ZC3H7A: variants seen among roughly 807,000 people sequenced by gnomAD.
ZC3H7A encodes the protein zinc finger CCCH-type containing 7A.
A neutral mutation model predicts 125.5 loss-of-function variants in ZC3H7A; 44 were observed. That is an observed-to-expected ratio of 0.35 (90% CI 0.28 to 0.45). ZC3H7A has a LOEUF of 0.45. ZC3H7A is among the 20% of genes least tolerant of loss of function. The pLI, the probability that ZC3H7A is intolerant of heterozygous loss-of-function variation, is 1.00. For synonymous variants in ZC3H7A, 399 were observed against 391.2 expected (o/e 1.02, Z -0.23); for missense variants, 977 against 1,170.7 (o/e 0.83, Z 2.41).
intron 9 of ZC3H7A, 60 bp downstream of exon 9, chr16:11,774,176 T>A: frequency 7.0e-7 from 1 of 1,429,238 alleles, no homozygotes; most frequent in East Asian, 2.4e-5. Context: ...CAAGTTATAT[T>A]ACAATTTTTA....
intron 21 of ZC3H7A, among the ~76,000 whole-genome samples, chr16:11,754,893 CAA>C (rs35345665): frequency 8.3e-4 from 57 of 68,876 alleles, no homozygotes; most frequent in South Asian, 2.5e-3. Context: ...CTCCGTCTCA[CAA>C]AAAAAAAAAA....
At chr16:11,789,147 T>C (rs190415311) in intron 1 of ZC3H7A, among the ~76,000 whole-genome samples, 5 of 152,312 alleles carry the variant, frequency 3.3e-5, no homozygotes, top group East Asian at 3.9e-4. Flanking sequence ...TATGTCACCA[T>C]TGAAGGAAGA....
intron 19 of ZC3H7A, among the ~76,000 whole-genome samples, chr16:11,760,175 T>C (rs1284392108): frequency 7.0e-6 from 1 of 143,188 alleles, no homozygotes; most frequent in Non-Finnish European, 1.5e-5. Context: ...ATACCTAGTA[T>C]GGCAGGGGAA....
Position 11,781,410 on chromosome 16 carries a change from T to A in ZC3H7A, c.108+15A>T. ...ACTTGCAGAGCTTTCAAGCAGACCT[T>A]CCCGGAGTCATTACCGCATATTGCT... On this transcript the variant is annotated intron_variant, in intron 3 of 22. Transcript: ENST00000355758. 6.2e-7 allele frequency: 1 copy of A among 1,600,454 alleles called. No individual in the cohort carries two copies. Among genetic ancestry groups the A allele is most frequent in the Non-Finnish European group, 8.5e-7 (1 of 1,170,614 alleles).
At chr16:11,763,171 G>T in intron 16 of ZC3H7A, 1 of 245,328 alleles carries the variant, frequency 4.1e-6, no homozygotes, top group Non-Finnish European at 7.8e-6. Flanking sequence ...GTAGTGTTGT[G>T]ATCCTGGCCC....
intron 19 of ZC3H7A, among the ~76,000 whole-genome samples, chr16:11,760,461 T>C (rs2052735029): frequency 6.6e-6 from 1 of 152,180 alleles, no homozygotes; most frequent in East Asian, 1.9e-4. Flanking sequence ...ACCAACGCCT[T>C]GAAAAGGCTG....
chr16:11,793,767 G>C (rs1469322620), intron 1 of ZC3H7A, among the ~76,000 whole-genome samples: 1 of 152,192 alleles, frequency 6.6e-6, no homozygotes, highest in African/African-American at 2.4e-5. Flanking sequence ...CAGATGATAA[G>C]ACATTAAAGT....
chr16:11,785,731 T>G (rs1339855294), intron 1 of ZC3H7A, among the ~76,000 whole-genome samples: 2 of 152,164 alleles, frequency 1.3e-5, no homozygotes, highest in Non-Finnish European at 2.9e-5. Context: ...ACCATTCTCC[T>G]GCCTCAGCCT....
At chr16:11,791,155 A>G (rs1233541560) in intron 1 of ZC3H7A, among the ~76,000 whole-genome samples, 1 of 150,800 alleles carries the variant, frequency 6.6e-6, no homozygotes, top group Non-Finnish European at 1.5e-5. Context: ...ACTCTGCTTA[A>G]GACCCTTCAG....
chr16:11,786,030 G>A (rs1216798188), intron 1 of ZC3H7A, among the ~76,000 whole-genome samples: 1 of 152,226 alleles, frequency 6.6e-6, no homozygotes, highest in African/African-American at 2.4e-5. Context: ...GTAGAAGACT[G>A]AGGCTGGAAA....
rs546408250 is a variant in ZC3H7A at position 11,755,931 on chromosome 16, G to A, written c.2562+306C>T. On this transcript the variant is annotated intron_variant, in intron 21 of 22. Transcript: ENST00000355758. ...TGTAATCCCAGCACTTTGGGAGGCC[G>A]AGGCAGGCAAATCACGAGGTCAGGA... Among the ~76,000 whole-genome samples, 8 of 152,242 alleles carry A rather than the reference G, an allele frequency of 5.3e-5. No individual in the cohort carries two copies. In the South Asian group the frequency reaches 8.3e-4, roughly 16 times the overall value.
Position 11,761,981 on chromosome 16 carries a change from C to G in ZC3H7A, c.2142G>C (p.Gln714His). Residue 714 changes from glutamine (Q) to histidine (H), a missense_variant, in exon 18 of 23, where the codon CAG (glutamine) becomes CAC (histidine). Physicochemically the swap from Gln to His is conservative, Grantham distance 24. This residue lies in a region of ZC3H7A where 436 missense variants were observed against 603.2 expected (regional missense o/e 0.72). Transcript: ENST00000355758. ...CAATGACTTGACCGTTTCTCAGACA[C>G]TGGGCGCACACAAACTTTATCTTCA... ...LNMKIKFVCAQCLRNGQVIEP... is the reference protein window; with the variant it reads ...LNMKIKFVCAHCLRNGQVIEP... 6.2e-7 allele frequency: 1 copy of G among 1,613,556 alleles called. No homozygotes were observed. The highest frequency in any genetic ancestry group is 8.5e-7 in the Non-Finnish European group (1 of 1,179,890).
At chr16:11,762,433 A>C (rs2052768182) in intron 17 of ZC3H7A, among the ~76,000 whole-genome samples, 1 of 152,186 alleles carries the variant, frequency 6.6e-6, no homozygotes, top group Non-Finnish European at 1.5e-5. Context: ...TTGTTTTGTC[A>C]ATTAAACTAA....
intron 1 of ZC3H7A, among the ~76,000 whole-genome samples, chr16:11,790,441 G>A (rs988854793): frequency 2.4e-4 from 36 of 152,204 alleles, no homozygotes; most frequent in African/African-American, 7.9e-4. Context: ...TATATGTTGA[G>A]GAAAATAGTC....
chr16:11,781,341 G>T, intron 3 of ZC3H7A, 84 bp downstream of exon 3: 3 of 1,346,360 alleles, frequency 2.2e-6, no homozygotes, highest in Non-Finnish European at 3.1e-6. Context: ...GGCCCACAAG[G>T]CCATCATTTG....
chr16:11,758,446 T>C lies in ZC3H7A; in HGVS notation c.2413A>G (p.Met805Val). The C allele has an allele frequency of 1.9e-6, 3 of 1,613,104 alleles. No homozygotes were observed. The highest frequency in any genetic ancestry group is 2.5e-6 in the Non-Finnish European group (3 of 1,179,082). The change falls in exon 20 of 23, where the codon ATG (methionine) becomes GTG (valine). Residue 805 changes from methionine (M) to valine (V), a missense_variant. Transcript: ENST00000355758. ...ATTAACTTACTCCCATTCTCCTTCATGTAAGTCCAAACTTCTCTTTCCTCA... is the reference window on the plus strand; with the variant it reads ...ATTAACTTACTCCCATTCTCCTTCACGTAAGTCCAAACTTCTCTTTCCTCA... Reference protein sequence around the residue: ...SPEEREVWTYMKENGIQDMEQ... With the variant: ...SPEEREVWTYVKENGIQDMEQ...
chr16:11,772,069 A>G (rs112663922), intron 9 of ZC3H7A, among the ~76,000 whole-genome samples: 6,893 of 151,786 alleles, frequency 0.045, 546 homozygotes, highest in African/African-American at 0.16. Flanking sequence ...GGTAGCGGGC[A>G]CCTGTAATCT....
At position 11,758,545 on chromosome 16, in the gene ZC3H7A, TA is replaced by T. The variant is rs537992070; in HGVS notation, c.2320-7del. 1.2e-6 allele frequency: 2 copies of T among 1,602,870 alleles called. No homozygotes were observed. The highest frequency in any genetic ancestry group is 1.1e-5 in the South Asian group (1 of 90,252). ...GAAGCAATATGGTTGCACAGCTGTA[TA>T]AAAAAATAGGAATATGATTAAGACA... On this transcript the variant is annotated splice_region_variant and splice_polypyrimidine_tract_variant and intron_variant, in intron 19 of 22. Transcript: ENST00000355758.
At chr16:11,754,961 C>CA (rs1491380919) in intron 21 of ZC3H7A, among the ~76,000 whole-genome samples, 9 of 146,466 alleles carry the variant, frequency 6.1e-5, no homozygotes, top group African/African-American at 2.3e-4. Context: ...TGTAATCCCA[C>CA]GGTTTTGGAA....
Sources: allele counts gnomAD v4.1 joint callset (sites outside exome capture counted in the v4.1 genomes callset), GRCh38; gene constraint gnomAD v4.1.1; regional missense constraint gnomAD v4.1.1; transcripts MANE v1.5; gene names NCBI Gene and HGNC (gene_info 2026-07-23, HGNC 2026-07-21).